The following PXMP2 variants were observed in gnomAD, a reference collection of about 807,000 sequenced individuals.
The protein encoded by PXMP2 is peroxisomal membrane protein 2.
Under a neutral mutation model 20.2 loss-of-function variants are expected in PXMP2, and 13 were observed. The observed-to-expected ratio is 0.64, with a 90% CI of 0.42 to 1.02. The LOEUF is 1.02. Ranked by LOEUF, PXMP2 falls within the 50% of genes least tolerant of loss-of-function variation. PXMP2 has a pLI of 0.00. For synonymous variants in PXMP2, 113 were observed against 111.2 expected (o/e 1.02, Z -0.10); for missense variants, 284 against 251.8 (o/e 1.13, Z -0.87).
intron 2 of PXMP2, among the ~76,000 whole-genome samples, chr12:132,694,965 C>G (rs1312971337): frequency 1.5e-5 from 1 of 67,154 alleles, no homozygotes; most frequent in Non-Finnish European, 4.4e-5. Flanking sequence ...AGCTCCCTTG[C>G]CAGTTAGTTA....
chr12:132,701,325 T>G lies in PXMP2; in HGVS notation c.475T>G (p.Trp159Gly). ...GGCGCTGAGGATGAACTGGCGGGTG[T>G]GGACGCCACTACAGTTCATCAACAT... ...WPALRMNWRV[W>G]TPLQFININY... The change falls in exon 4 of 5, where the codon TGG (tryptophan) becomes GGG (glycine). Residue 159 changes from tryptophan (W) to glycine (G), a missense_variant. By Grantham distance (184) the Trp-to-Gly change is radical. Transcript: ENST00000317479. 1 of 1,612,918 alleles carries G rather than the reference T, an allele frequency of 6.2e-7. No individual in the cohort carries two copies. The highest frequency in any genetic ancestry group is 8.5e-7 in the Non-Finnish European group (1 of 1,179,738).
chr12:132,697,522 C>T (rs1460828733), intron 3 of PXMP2, among the ~76,000 whole-genome samples: 1 of 151,886 alleles, frequency 6.6e-6, no homozygotes, highest in East Asian at 2.0e-4. Context: ...ATTCTCCTGC[C>T]TCAGCCTCCT....
rs1220404859 is a variant in PXMP2 at position 132,696,296 on chromosome 12, C to T, written c.399+250C>T. ...TGTCACCCAGGCTGCAGTGCAGTAG[C>T]ACAATCATAGCTCACTGCAAACCTC... On this transcript the variant is annotated intron_variant, in intron 3 of 4. Coordinates refer to ENST00000317479, the MANE Select transcript of PXMP2 (RefSeq NM_018663.3). The surrounding 1 kb of genome is among the most constrained non-coding windows in gnomAD (Gnocchi z 4.4). 6.6e-6 allele frequency among the ~76,000 whole-genome samples: 1 copy of T among 152,046 alleles called. No homozygotes were observed. The highest frequency in any genetic ancestry group is 1.5e-5 in the Non-Finnish European group (1 of 68,012).
At chr12:132,695,348 T>G (rs748028956) in intron 2 of PXMP2, among the ~76,000 whole-genome samples, 3 of 151,944 alleles carry the variant, frequency 2.0e-5, no homozygotes, top group Non-Finnish European at 2.9e-5. Flanking sequence ...CCTAGTGAGT[T>G]CCCTTGCCAG....
chr12:132,691,632 C>T (rs2043367282), intron 2 of PXMP2, among the ~76,000 whole-genome samples: 1 of 152,170 alleles, frequency 6.6e-6, no homozygotes, highest in African/African-American at 2.4e-5. Context: ...CAGTAATCCC[C>T]CCAAGAGGGG....
chr12:132,690,718 G>A (rs536171673), intron 2 of PXMP2, among the ~76,000 whole-genome samples: 1 of 152,006 alleles, frequency 6.6e-6, no homozygotes, highest in Admixed American at 6.6e-5. Context: ...GCTAATTTTT[G>A]TTATTTTTAG....
At position 132,690,276 on chromosome 12, in the gene PXMP2, GC is replaced by G; in HGVS notation, c.137del (p.Ala46AspfsTer9). ...CCCTCTCCACAGTGGCATTTTGTCAGCACTTGGGAACTTCCTGGCCCAGATG... is the reference window on the plus strand; with the variant it reads ...CCCTCTCCACAGTGGCATTTTGTCAGACTTGGGAACTTCCTGGCCCAGATG... ...TKAATSGILS[A>X]LGNFLAQMIE... On this transcript the variant is annotated frameshift_variant, in exon 2 of 5. Transcript: ENST00000317479. LOFTEE classifies it high-confidence loss of function. The G allele has an allele frequency of 1.2e-6, 2 of 1,613,940 alleles. No homozygotes were observed. The highest frequency in any genetic ancestry group is 1.7e-6 in the Non-Finnish European group (2 of 1,179,880).
intron 1 of PXMP2, among the ~76,000 whole-genome samples, chr12:132,689,514 G>A (rs1266207547): frequency 1.3e-5 from 2 of 152,172 alleles, no homozygotes; most frequent in Non-Finnish European, 2.9e-5. Flanking sequence ...TGTGTGTGGA[G>A]AAAGTGAACC....
intron 2 of PXMP2, among the ~76,000 whole-genome samples, chr12:132,693,047 A>T (rs374583357): frequency 6.0e-4 from 19 of 31,856 alleles, no homozygotes; most frequent in South Asian, 1.3e-3. Flanking sequence ...AGCCAGTTAG[A>T]TAGTGAGCGC....
intron 3 of PXMP2, among the ~76,000 whole-genome samples, chr12:132,699,043 C>T (rs1274654661): frequency 6.6e-6 from 1 of 152,178 alleles, no homozygotes; most frequent in Non-Finnish European, 1.5e-5. Context: ...GCTTTTACTT[C>T]CCATCACCCA....
At chr12:132,695,815 G>C in intron 2 of PXMP2, 69 bp from the exon 3 acceptor site, 3 of 1,485,738 alleles carry the variant, frequency 2.0e-6, no homozygotes, top group Non-Finnish European at 2.7e-6. Context: ...GGATTTGGGG[G>C]TGAAGCTAGA....
intron 2 of PXMP2, among the ~76,000 whole-genome samples, chr12:132,692,219 GCCCTTAGCCAGTTAGTTAGTGAGCT>G (rs2043372820): frequency 2.2e-5 from 3 of 134,852 alleles, no homozygotes; most frequent in Admixed American, 7.5e-5. Flanking sequence ...GTTAGTGAGC[GCCCTTAGCCAGTTAGTTAGTGAGCT>G]CCCTGAGCCA....
intron 2 of PXMP2, 62 bp downstream of exon 2, chr12:132,690,438 C>CA (rs2043359842): frequency 3.2e-6 from 4 of 1,249,138 alleles, no homozygotes; most frequent in Non-Finnish European, 3.5e-6. Flanking sequence ...AGCTGGGCAC[C>CA]AAAACCGAGT....
At chr12:132,698,097 G>A (rs1304153394) in intron 3 of PXMP2, among the ~76,000 whole-genome samples, 1 of 150,026 alleles carries the variant, frequency 6.7e-6, no homozygotes, top group African/African-American at 2.5e-5. Flanking sequence ...TGCAACCTTC[G>A]CCTCTTGGGT....
chr12:132,694,799 T>TA (rs1376560586), intron 2 of PXMP2, among the ~76,000 whole-genome samples: 20 of 136,744 alleles, frequency 1.5e-4, no homozygotes, highest in South Asian at 4.8e-4. Flanking sequence ...TGAGCGCCCT[T>TA]GCCAGTTAGT....
chr12:132,701,621 CTT>C (rs1394960736), intron 4 of PXMP2: 4 of 501,830 alleles, frequency 8.0e-6, no homozygotes, highest in African/African-American at 4.1e-5. Flanking sequence ...GAGTGGTCGT[CTT>C]TGCCTCTTCT....
chr12:132,694,486 T>A lies in PXMP2; in HGVS notation c.237-1398T>A, dbSNP rs1459249939. On this transcript the variant is annotated intron_variant, in intron 2 of 4. Coordinates refer to ENST00000317479, the MANE Select transcript of PXMP2 (RefSeq NM_018663.3). ...TTAGTGAGCTCCCTTAGCCAGTTAG[T>A]TAGTGAGCGCCCTTGCCAGTTAGTT... Among the ~76,000 whole-genome samples, 4 of 97,408 alleles carry A rather than the reference T, an allele frequency of 4.1e-5. 1 individual carries two copies. Among genetic ancestry groups the A allele is most frequent in the African/African-American group, 1.0e-4 (3 of 29,938 alleles). 63.9% of individuals were successfully genotyped at this position (97,408 alleles called of 152,430 possible). A position where few individuals can be genotyped will look rare whatever the true frequency, so the allele number is the denominator to read the frequency against.
Position 132,691,115 on chromosome 12 carries a change from G to A in PXMP2, c.236+739G>A, listed in dbSNP as rs1416051416. Among the ~76,000 whole-genome samples the A allele has an allele frequency of 1.0e-4, 15 of 149,004 alleles. No homozygotes were observed. The East Asian group carries it at 2.2e-3, about 22-fold the overall frequency. Reference sequence around the variant, plus strand: ...TGCCCAGACTGGAGTGCGGTGGCGCGATCTTGGCTTACTGCAAGCTCTGCC... The same window carrying A: ...TGCCCAGACTGGAGTGCGGTGGCGCAATCTTGGCTTACTGCAAGCTCTGCC... On this transcript the variant is annotated intron_variant, in intron 2 of 4. Transcript: ENST00000317479.
Position 132,687,669 on chromosome 12 carries a change from C to A in PXMP2, c.-2C>A. The A allele has an allele frequency of 8.5e-7, 1 of 1,169,854 alleles. No individual in the cohort carries two copies. Among genetic ancestry groups the A allele is most frequent in the Non-Finnish European group, 1.0e-6 (1 of 952,716 alleles). 72.5% of individuals were successfully genotyped at this position (1,169,854 alleles called of 1,614,324 possible). A position where few individuals can be genotyped will look rare whatever the true frequency, so the allele number is the denominator to read the frequency against. The stretch of plus-strand genomic sequence containing the variant: ...CCCCGGCGGCACGGCGCTGGGGAGG[C>A]GATGGCGCCGGCCGCGTCCAGGCTG... On this transcript the variant is annotated 5_prime_UTR_variant, in exon 1 of 5. Coordinates refer to ENST00000317479, the MANE Select transcript of PXMP2 (RefSeq NM_018663.3).
Sources: gnomAD v4.1 joint callset for allele counts (sites outside exome capture counted in the v4.1 genomes callset) on GRCh38, gnomAD v4.1.1 for gene constraint, Gnocchi (gnomAD v3.1) non-coding constraint, MANE v1.5 for transcripts, NCBI Gene and HGNC (gene_info 2026-07-23, HGNC 2026-07-21) for gene names.